AGBL4: variants seen among roughly 807,000 people sequenced by gnomAD.
The protein encoded by AGBL4 is cytosolic carboxypeptidase 6.
In AGBL4, 58 loss-of-function variants were observed where a neutral mutation model predicts 66.4. The ratio of observed to expected loss-of-function variants is 0.87; its 90% confidence interval spans 0.71 to 1.09. AGBL4 has a LOEUF of 1.09. Ranked by LOEUF, AGBL4 falls within the 50% of genes least tolerant of loss-of-function variation. The pLI, the probability that AGBL4 is intolerant of heterozygous loss-of-function variation, is 0.00. For synonymous variants in AGBL4, 234 were observed against 222.9 expected, an observed-to-expected ratio of 1.05 and a Z score of -0.44; for missense variants, 579 against 631.0, an observed-to-expected ratio of 0.92 and a Z score of 0.88.
chr1:49,820,145 C>G (rs1407475428), intron 2 of AGBL4, among the ~76,000 whole-genome samples: 1 of 152,122 alleles, frequency 6.6e-6, no homozygotes, highest in Admixed American at 6.5e-5. Context: ...TGTTTTATCT[C>G]CTAGCGTAAG....
At chr1:49,934,346 T>C (rs1436780639) in intron 1 of AGBL4, among the ~76,000 whole-genome samples, 1 of 152,178 alleles carries the variant, frequency 6.6e-6, no homozygotes, top group African/African-American at 2.4e-5. Context: ...ATATAAATTC[T>C]ACCGAAGCAC....
At chr1:49,833,178 T>C (rs1347350745) in intron 2 of AGBL4, among the ~76,000 whole-genome samples, 1 of 152,230 alleles carries the variant, frequency 6.6e-6, no homozygotes, top group African/African-American at 2.4e-5. Flanking sequence ...GTATAAGGTG[T>C]AAGGAAGGGA....
chr1:49,658,028 G>C (rs554796237), intron 3 of AGBL4, among the ~76,000 whole-genome samples: 2 of 152,260 alleles, frequency 1.3e-5, no homozygotes, highest in South Asian at 4.1e-4. Flanking sequence ...AAACTAAAGA[G>C]CTTCTGCACA....
At chr1:49,877,991 G>C (rs1168493414) in intron 1 of AGBL4, among the ~76,000 whole-genome samples, 5 of 151,976 alleles carry the variant, frequency 3.3e-5, no homozygotes, top group Admixed American at 6.6e-5. Context: ...TATTTCTATG[G>C]GATCGGTGGT....
intron 3 of AGBL4, among the ~76,000 whole-genome samples, chr1:49,248,045 T>C (rs935549877): frequency 7.9e-5 from 12 of 152,238 alleles, no homozygotes; most frequent in African/African-American, 2.6e-4. Context: ...ATTTTTTATG[T>C]TTTCCAGCCA....
chr1:49,576,955 G>A (rs1194626601), intron 3 of AGBL4, among the ~76,000 whole-genome samples: 1 of 152,250 alleles, frequency 6.6e-6, no homozygotes, highest in Non-Finnish European at 1.5e-5. Flanking sequence ...CCAGTGGGCA[G>A]AACTTTGAGC....
chr1:49,610,857 C>A (rs916932015), intron 3 of AGBL4, among the ~76,000 whole-genome samples: 4 of 152,120 alleles, frequency 2.6e-5, no homozygotes, highest in Admixed American at 2.6e-4. Flanking sequence ...ATACCCAAAC[C>A]TAGTCTAGCA....
intron 3 of AGBL4, among the ~76,000 whole-genome samples, chr1:49,298,543 G>T (rs754698915): frequency 3.2e-4 from 49 of 152,290 alleles, no homozygotes; most frequent in Non-Finnish European, 4.3e-4. Context: ...CTAAATCAGG[G>T]CTGCATCTTA....
chr1:49,658,653 A>C (rs1269218918), intron 3 of AGBL4, among the ~76,000 whole-genome samples: 2 of 152,238 alleles, frequency 1.3e-5, no homozygotes, highest in Non-Finnish European at 2.9e-5. Context: ...TGTGGCACAT[A>C]TACACCATGG....
chr1:49,301,021 C>T (rs6658329), intron 3 of AGBL4, among the ~76,000 whole-genome samples: 12,422 of 152,154 alleles, frequency 0.082, 706 homozygotes, highest in East Asian at 0.16. Flanking sequence ...GGATTAAGAG[C>T]TCCTTGAGGA....
intron 4 of AGBL4, among the ~76,000 whole-genome samples, chr1:49,077,579 T>C (rs1458292042): frequency 2.0e-5 from 3 of 152,174 alleles, no homozygotes; most frequent in African/African-American, 7.2e-5. Context: ...TCTTACTAAC[T>C]TGTTAGTAAG....
chr1:49,727,881 A>G (rs931685603), intron 2 of AGBL4, among the ~76,000 whole-genome samples: 27 of 152,240 alleles, frequency 1.8e-4, no homozygotes, highest in Non-Finnish European at 7.4e-5. Flanking sequence ...TTATTATTAT[A>G]CCCATATTCC....
intron 11 of AGBL4, among the ~76,000 whole-genome samples, chr1:48,549,564 G>T (rs1332089691): frequency 6.6e-6 from 1 of 152,064 alleles, no homozygotes; most frequent in Admixed American, 6.6e-5. Flanking sequence ...AGACAAAGAG[G>T]CCGCAGAGGC....
intron 8 of AGBL4, among the ~76,000 whole-genome samples, chr1:48,649,750 T>G (rs900976583): frequency 2.0e-5 from 3 of 152,128 alleles, no homozygotes; most frequent in Non-Finnish European, 2.9e-5. Context: ...CCTTCCTAGA[T>G]TGGATTATAT....
chr1:50,021,999 C>A (rs932976820), intron 1 of AGBL4, among the ~76,000 whole-genome samples: 4 of 152,150 alleles, frequency 2.6e-5, no homozygotes, highest in African/African-American at 9.7e-5. Flanking sequence ...TAACATGTTT[C>A]CACCTGCTTG....
chr1:48,638,460 T>A (rs1320268740), intron 8 of AGBL4, among the ~76,000 whole-genome samples: 1 of 152,274 alleles, frequency 6.6e-6, no homozygotes, highest in Non-Finnish European at 1.5e-5. Flanking sequence ...TGTCTATAAA[T>A]GGACCAGGAG....
chr1:49,400,334 C>T (rs1199263616), intron 3 of AGBL4, among the ~76,000 whole-genome samples: 1 of 152,056 alleles, frequency 6.6e-6, no homozygotes, highest in Admixed American at 6.5e-5. Flanking sequence ...CAGTTTTGTT[C>T]TTTTTGCTGA....
intron 3 of AGBL4, among the ~76,000 whole-genome samples, chr1:49,395,816 CAT>C (rs753086676): frequency 0.052 from 5,664 of 108,886 alleles, 149 homozygotes; most frequent in East Asian, 0.06. Flanking sequence ...TATATGTATA[CAT>C]ATATATATAT....
chr1:49,801,673 T>C (rs1397529424), intron 2 of AGBL4, among the ~76,000 whole-genome samples: 1 of 152,242 alleles, frequency 6.6e-6, no homozygotes, highest in Non-Finnish European at 1.5e-5. Context: ...GCTTTTCTGC[T>C]CTCACTTGTG....
Sources: gnomAD v4.1 joint callset for allele counts (sites outside exome capture counted in the v4.1 genomes callset) on GRCh38, gnomAD v4.1.1 for gene constraint, MANE v1.5 for transcripts, NCBI Gene and HGNC (gene_info 2026-07-23, HGNC 2026-07-21) for gene names.